Variants in CTIF observed in about 807,000 individuals in gnomAD.
CTIF encodes CBP80/20-dependent translation initiation factor.
CTIF carries 21 observed loss-of-function variants against 66.0 expected under a neutral mutation model. The ratio of observed to expected loss-of-function variants is 0.32; its 90% CI spans 0.23 to 0.46. The LOEUF is 0.46. Among genes scored for constraint, CTIF ranks in the 20% least tolerant of loss-of-function variants. The pLI, the probability that CTIF is intolerant of heterozygous loss-of-function variation, is 1.00. For synonymous variants in CTIF, 345 were observed against 326.4 expected, an observed-to-expected ratio of 1.06 and a Z score of -0.62; for missense variants, 739 against 812.7, an observed-to-expected ratio of 0.91 and a Z score of 1.10.
chr18:48,810,272 G>C (rs1228439728), intron 9 of CTIF, among the ~76,000 whole-genome samples: 3 of 151,978 alleles, frequency 2.0e-5, no homozygotes, highest in Non-Finnish European at 4.4e-5. Context: ...TACCATATTG[G>C]ATAACATTGG....
chr18:48,560,303 T>C (rs929275139), intron 1 of CTIF, among the ~76,000 whole-genome samples: 3 of 149,718 alleles, frequency 2.0e-5, no homozygotes, highest in African/African-American at 7.4e-5. Flanking sequence ...CTCGGCTCAC[T>C]GCAAGCTCGC....
At chr18:48,582,379 T>A (rs2089677935) in intron 1 of CTIF, among the ~76,000 whole-genome samples, 1 of 152,084 alleles carries the variant, frequency 6.6e-6, no homozygotes, top group Non-Finnish European at 1.5e-5. Context: ...AAAAGGTCCC[T>A]CAGGGCCTAA....
intron 10 of CTIF, among the ~76,000 whole-genome samples, chr18:48,843,656 C>T (rs368922992): frequency 4.3e-4 from 65 of 152,280 alleles, no homozygotes; most frequent in African/African-American, 1.5e-3. Context: ...CCTCCCAGCA[C>T]CCCTCCCTTA....
chr18:48,766,640 C>T (rs1239759202), intron 9 of CTIF, among the ~76,000 whole-genome samples: 4 of 152,246 alleles, frequency 2.6e-5, no homozygotes, highest in Non-Finnish European at 4.4e-5. Context: ...ACTGGTTCAT[C>T]GCGGCCACTT....
chr18:48,734,074 C>T (rs2092478492), intron 7 of CTIF, among the ~76,000 whole-genome samples: 1 of 152,218 alleles, frequency 6.6e-6, no homozygotes, highest in African/African-American at 2.4e-5. Flanking sequence ...TCTAACTCTG[C>T]TAAGCCTGCC....
At chr18:48,541,014 T>C (rs2088601694) in intron 1 of CTIF, among the ~76,000 whole-genome samples, 1 of 151,964 alleles carries the variant, frequency 6.6e-6, no homozygotes, top group African/African-American at 2.4e-5. Flanking sequence ...CCCGGCAGAC[T>C]GGGGGTCCAC....
chr18:48,589,469 C>T (rs577211370), intron 1 of CTIF, among the ~76,000 whole-genome samples: 1 of 152,340 alleles, frequency 6.6e-6, no homozygotes, highest in East Asian at 1.9e-4. Flanking sequence ...AGTATGACCC[C>T]ATCCTAACTT....
intron 9 of CTIF, among the ~76,000 whole-genome samples, chr18:48,795,054 C>T (rs1013530739): frequency 2.0e-5 from 3 of 152,094 alleles, no homozygotes; most frequent in East Asian, 1.9e-4. Context: ...TTAGTTTTGC[C>T]GTAGCTTCCT....
At chr18:48,842,828 A>G (rs892576438) in intron 10 of CTIF, among the ~76,000 whole-genome samples, 2 of 152,198 alleles carry the variant, frequency 1.3e-5, no homozygotes, top group African/African-American at 4.8e-5. Flanking sequence ...CTCCACGGAG[A>G]CACTTATCAC....
intron 10 of CTIF, among the ~76,000 whole-genome samples, chr18:48,851,955 G>C (rs2069211948): frequency 1.3e-5 from 2 of 152,092 alleles, no homozygotes; most frequent in Admixed American, 1.3e-4. Context: ...CAGCCTAGGT[G>C]GGGTGGTTCA....
chr18:48,841,906 A>G lies in CTIF; in HGVS notation c.1528-15682A>G, dbSNP rs894752402. 1.3e-5 allele frequency among the ~76,000 whole-genome samples: 2 copies of G among 152,150 alleles called. 1 individual carries two copies. Among genetic ancestry groups the G allele is most frequent in the East Asian group, 3.9e-4 (2 of 5,188 alleles). Reference sequence around the variant, plus strand: ...GCCCTTATCTCCTTTCCTGCCAGGCAGGGACTCCTCAGCGCTCACACACAA... The same window carrying G: ...GCCCTTATCTCCTTTCCTGCCAGGCGGGGACTCCTCAGCGCTCACACACAA... On this transcript the variant is annotated intron_variant, in intron 10 of 11. Coordinates refer to ENST00000256413, the MANE Select transcript of CTIF (RefSeq NM_014772.3).
chr18:48,614,732 T>G (rs1257734359), intron 1 of CTIF, among the ~76,000 whole-genome samples: 1 of 152,124 alleles, frequency 6.6e-6, no homozygotes, highest in Non-Finnish European at 1.5e-5. Flanking sequence ...TCTGTTTGGG[T>G]TGATAAAAAA....
At chr18:48,732,158 G>A (rs1205248739) in intron 7 of CTIF, among the ~76,000 whole-genome samples, 1 of 152,182 alleles carries the variant, frequency 6.6e-6, no homozygotes, top group Non-Finnish European at 1.5e-5. Flanking sequence ...TGCCTTTTGA[G>A]GCAGACCTAG....
chr18:48,552,964 T>C (rs1485963372), intron 1 of CTIF, among the ~76,000 whole-genome samples: 5 of 152,220 alleles, frequency 3.3e-5, no homozygotes, highest in African/African-American at 1.2e-4. Flanking sequence ...CTAAAGTCTC[T>C]GATCCTCTCA....
intron 9 of CTIF, among the ~76,000 whole-genome samples, chr18:48,803,476 C>G (rs2068085432): frequency 6.6e-6 from 1 of 152,234 alleles, no homozygotes; most frequent in Non-Finnish European, 1.5e-5. Context: ...GGGCAGCAAT[C>G]ACCCAGTACA....
At chr18:48,786,387 C>T (rs1481035000) in intron 9 of CTIF, among the ~76,000 whole-genome samples, 3 of 152,154 alleles carry the variant, frequency 2.0e-5, no homozygotes, top group African/African-American at 7.2e-5. Flanking sequence ...ACTCAGGAGC[C>T]GCATTCCTGC....
In CTIF at chr18:48,761,683, G is replaced by A. The variant is rs1460749916; in HGVS notation, c.1365G>A (p.Met455Ile). Residue 455 changes from methionine to isoleucine, a missense_variant, in exon 9 of 12, where the codon ATG becomes ATA. By Grantham distance (10) the Met-to-Ile change is conservative. This residue lies in a region of CTIF where 210 missense variants were observed against 292.3 expected (regional missense o/e 0.72). Coordinates refer to ENST00000256413, the MANE Select transcript of CTIF (RefSeq NM_014772.3). The surrounding 1 kb of genome is among the most constrained non-coding windows in gnomAD (Gnocchi z 4.2). The part of the protein sequence containing the change: ...GTKFRSLLLN[M>I]LQKDFTVREE... ...AGTTCCGGAGCCTGCTCCTCAACAT[G>A]CTGCAGGTAACTGGACGCCGGCCAC... The A allele has an allele frequency of 6.2e-7, 1 of 1,606,506 alleles. No homozygotes were observed. The highest frequency in any genetic ancestry group is 1.3e-5 in the African/African-American group (1 of 74,814).
intron 9 of CTIF, among the ~76,000 whole-genome samples, chr18:48,778,538 G>A (rs1445141836): frequency 2.0e-5 from 3 of 152,160 alleles, no homozygotes; most frequent in East Asian, 1.9e-4. Flanking sequence ...GGGGATGGCC[G>A]TTCAGCCTCT....
chr18:48,661,272 T>G (rs1366985132), intron 3 of CTIF, among the ~76,000 whole-genome samples: 1 of 152,160 alleles, frequency 6.6e-6, no homozygotes, highest in Non-Finnish European at 1.5e-5. Context: ...AGATCAGGGA[T>G]TAGGGAAGAC....
Sources: gnomAD v4.1 joint callset for allele counts (sites outside exome capture counted in the v4.1 genomes callset) on GRCh38, gnomAD v4.1.1 for gene constraint, gnomAD v4.1.1 regional missense constraint, Gnocchi (gnomAD v3.1) non-coding constraint, MANE v1.5 for transcripts, NCBI Gene and HGNC (gene_info 2026-07-23, HGNC 2026-07-21) for gene names.